The following GPATCH2 variants were observed in gnomAD, a reference collection of about 807,000 sequenced individuals.
GPATCH2 encodes the protein G patch domain-containing protein 2.
A neutral mutation model predicts 58.0 loss-of-function variants in GPATCH2; 51 were observed. That is an observed-to-expected ratio of 0.88 (90% CI 0.70 to 1.11). The LOEUF is 1.11. GPATCH2 is among the 50% of genes most tolerant of loss of function. The probability of loss-of-function intolerance (pLI) is 0.00; values close to 1 mark genes in which losing one functional copy is unlikely to be tolerated. For missense variants in GPATCH2, 625 were observed against 652.2 expected (o/e 0.96, Z 0.45); for synonymous variants, 222 against 218.5 (o/e 1.02, Z -0.14).
At chr1:217,487,124 C>T (rs1032402305) in intron 8 of GPATCH2, among the ~76,000 whole-genome samples, 1 of 152,148 alleles carries the variant, frequency 6.6e-6, no homozygotes, top group South Asian at 2.1e-4. Context: ...TGCCTCCTGT[C>T]TCAAGTCAAA....
At chr1:217,517,666 G>T (rs1663234146) in intron 5 of GPATCH2, among the ~76,000 whole-genome samples, 1 of 152,058 alleles carries the variant, frequency 6.6e-6, no homozygotes, top group South Asian at 2.1e-4. Flanking sequence ...TAAAGAAGCA[G>T]TTTTAAACAT....
intron 5 of GPATCH2, among the ~76,000 whole-genome samples, chr1:217,586,890 CA>C (rs1558505568): frequency 6.6e-6 from 1 of 152,100 alleles, no homozygotes; most frequent in African/African-American, 2.4e-5. Flanking sequence ...CAGTGTTATG[CA>C]GCACATGGCC....
chr1:217,440,804 T>C (rs915705811), intron 9 of GPATCH2, among the ~76,000 whole-genome samples: 2 of 152,110 alleles, frequency 1.3e-5, no homozygotes, highest in African/African-American at 2.4e-5. Context: ...TTAAAAGGGA[T>C]GTGAAGGACC....
At chr1:217,436,685 A>G (rs933013578) in intron 9 of GPATCH2, among the ~76,000 whole-genome samples, 2 of 152,222 alleles carry the variant, frequency 1.3e-5, no homozygotes, top group African/African-American at 4.8e-5. Context: ...GCCCTTATAC[A>G]TTATAAATGC....
At chr1:217,590,775 T>C (rs1450454249) in intron 5 of GPATCH2, among the ~76,000 whole-genome samples, 1 of 152,218 alleles carries the variant, frequency 6.6e-6, no homozygotes, top group Admixed American at 6.5e-5. Context: ...GTGATAATAG[T>C]TCCTTTACAG....
intron 5 of GPATCH2, among the ~76,000 whole-genome samples, chr1:217,597,318 G>A (rs1462324094): frequency 6.6e-6 from 1 of 151,704 alleles, no homozygotes; most frequent in Non-Finnish European, 1.5e-5. Flanking sequence ...CTATAGCCTG[G>A]GCAACAGAGT....
intron 1 of GPATCH2, among the ~76,000 whole-genome samples, chr1:217,623,153 CCTCT>C (rs1030984451): frequency 4.6e-5 from 7 of 151,946 alleles, no homozygotes; most frequent in African/African-American, 1.2e-4. Context: ...AAATCAATAT[CCTCT>C]CTCTCTATTA....
chr1:217,533,892 C>T (rs1664327280), intron 5 of GPATCH2, among the ~76,000 whole-genome samples: 2 of 152,052 alleles, frequency 1.3e-5, no homozygotes, highest in South Asian at 4.2e-4. Flanking sequence ...TATAGAAATA[C>T]TTAAATGAAT....
intron 6 of GPATCH2, among the ~76,000 whole-genome samples, chr1:217,509,241 T>C (rs1662719376): frequency 6.6e-6 from 1 of 152,096 alleles, no homozygotes; most frequent in Non-Finnish European, 1.5e-5. Flanking sequence ...CTTAGGAGGC[T>C]GAGGCACAAG....
chr1:217,504,862 C>T (rs998827102), intron 6 of GPATCH2, among the ~76,000 whole-genome samples: 3 of 151,988 alleles, frequency 2.0e-5, no homozygotes, highest in African/African-American at 7.3e-5. Context: ...ATAAAAGTTG[C>T]TTAATAACTT....
chr1:217,456,341 T>C (rs1291709012), intron 8 of GPATCH2, among the ~76,000 whole-genome samples: 1 of 152,128 alleles, frequency 6.6e-6, no homozygotes, highest in Non-Finnish European at 1.5e-5. Flanking sequence ...TTCCACCTCC[T>C]GTTAGGGGTT....
At chr1:217,578,280 G>T (rs11117886) in intron 5 of GPATCH2, among the ~76,000 whole-genome samples, 25,437 of 151,618 alleles carry the variant, frequency 0.17, 2,323 homozygotes, top group African/African-American at 0.2. Flanking sequence ...CCAGATTGAC[G>T]GGCAGTGGCA....
chr1:217,620,068 T>A lies in GPATCH2; in HGVS notation c.488A>T (p.Lys163Met). The change falls in exon 2 of 10, where the codon AAG becomes ATG. Residue 163 changes from lysine (K) to methionine (M), a missense_variant. By Grantham distance (95) the Lys-to-Met change is moderately conservative. Coordinates refer to ENST00000366935, the MANE Select transcript of GPATCH2 (RefSeq NM_018040.5). ...GAGATCTACTGCCATGCGTTTTACCTTTCTCCTCCTGCGCAGAGTTCTATT... is the reference window on the plus strand; with the variant it reads ...GAGATCTACTGCCATGCGTTTTACCATTCTCCTCCTGCGCAGAGTTCTATT... ...VGNRTLRRRR[K>M]VKRMAVDLPQ... 6.2e-7 allele frequency: 1 copy of A among 1,614,044 alleles called. No individual in the cohort carries two copies. Among genetic ancestry groups the A allele is most frequent in the Non-Finnish European group, 8.5e-7 (1 of 1,180,034 alleles).
chr1:217,619,441 G>A (rs1669072351), intron 2 of GPATCH2, among the ~76,000 whole-genome samples: 1 of 152,072 alleles, frequency 6.6e-6, no homozygotes, highest in Non-Finnish European at 1.5e-5. Flanking sequence ...AAAGCTAAAG[G>A]TCTATAATTA....
At chr1:217,556,545 T>C (rs1211967111) in intron 5 of GPATCH2, among the ~76,000 whole-genome samples, 1 of 152,206 alleles carries the variant, frequency 6.6e-6, no homozygotes, top group East Asian at 1.9e-4. Flanking sequence ...TAGCTGTAGA[T>C]CATTTTTACT....
intron 5 of GPATCH2, among the ~76,000 whole-genome samples, chr1:217,591,252 A>T (rs902496739): frequency 1.3e-5 from 2 of 152,064 alleles, no homozygotes; most frequent in Non-Finnish European, 2.9e-5. Flanking sequence ...ATATAAATGC[A>T]TATATATATG....
At chr1:217,436,897 A>G (rs189519186) in intron 9 of GPATCH2, among the ~76,000 whole-genome samples, 2 of 152,244 alleles carry the variant, frequency 1.3e-5, no homozygotes, top group Non-Finnish European at 1.5e-5. Context: ...TGAACTTGCA[A>G]TATTATATCA....
chr1:217,616,639 A>G (rs1230657260), intron 2 of GPATCH2, among the ~76,000 whole-genome samples: 2 of 152,192 alleles, frequency 1.3e-5, no homozygotes, highest in African/African-American at 2.4e-5. Flanking sequence ...TGTTCAATAA[A>G]TCAGAACAAG....
rs1658381598 is a variant in GPATCH2, at chr1:217,427,555, TTTGA to T, written c.*3586_*3589del. ...TGTTCTTAAACATTATGTTTTATTC[TTTGA>T]TTCTTTGTTGTACTATTAACATGAC... On this transcript the variant is annotated 3_prime_UTR_variant, in exon 10 of 10. Transcript: ENST00000366935. The T allele has an allele frequency of 6.6e-6, 1 of 152,126 alleles. No homozygotes were observed. Among genetic ancestry groups the T allele is most frequent in the Non-Finnish European group, 1.5e-5 (1 of 67,986 alleles). 9.4% of individuals were successfully genotyped at this position (152,126 alleles called of 1,614,324 possible).
Sources: gnomAD v4.1 joint callset for allele counts (sites outside exome capture counted in the v4.1 genomes callset) on GRCh38, gnomAD v4.1.1 for gene constraint, MANE v1.5 for transcripts, NCBI Gene and HGNC (gene_info 2026-07-23, HGNC 2026-07-21) for gene names.